The following SLC14A2 variants were observed in gnomAD, a reference collection of about 807,000 sequenced individuals.
The protein encoded by SLC14A2 is urea transporter 2.
SLC14A2 carries 91 observed loss-of-function variants against 104.6 expected under a neutral mutation model. The observed-to-expected ratio is 0.87, with a 90% CI of 0.73 to 1.04. SLC14A2 has a LOEUF of 1.04. Ranked by LOEUF, SLC14A2 falls within the 50% of genes least tolerant of loss-of-function variation. The probability of loss-of-function intolerance (pLI) is 0.00; values close to 1 mark genes in which losing one functional copy is unlikely to be tolerated. For missense variants in SLC14A2, 1,189 were observed against 1,156.0 expected (o/e 1.03, Z -0.41); for synonymous variants, 476 against 466.4 (o/e 1.02, Z -0.27).
intron 16 of SLC14A2, among the ~76,000 whole-genome samples, chr18:45,669,704 C>G (rs2046097616): frequency 6.6e-6 from 1 of 152,176 alleles, no homozygotes; most frequent in Non-Finnish European, 1.5e-5. Flanking sequence ...TCTATGATAG[C>G]ACAGAGAAGG....
At chr18:45,177,570 C>T in the SLC14A2 span, among the ~76,000 whole-genome samples, 9 of 152,128 alleles carry the variant, frequency 5.9e-5, no homozygotes, top group African/African-American at 2.2e-4. Context: ...GCTCTCCCTC[C>T]CATTCTTTTG....
chr18:45,662,434 T>G (rs1328458658), intron 10 of SLC14A2, among the ~76,000 whole-genome samples: 1 of 152,242 alleles, frequency 6.6e-6, no homozygotes, highest in Non-Finnish European at 1.5e-5. Flanking sequence ...TCTACCCCAG[T>G]GCTTTCCAGC....
At chr18:45,174,358 C>A in the SLC14A2 span, among the ~76,000 whole-genome samples, 1 of 152,120 alleles carries the variant, frequency 6.6e-6, no homozygotes, top group African/African-American at 2.4e-5. Context: ...TCCTCCTCGA[C>A]AATTTCCCTC....
the SLC14A2 span, among the ~76,000 whole-genome samples, chr18:45,200,564 T>C: frequency 2.3e-3 from 355 of 152,330 alleles, 3 homozygotes; most frequent in East Asian, 0.021. Flanking sequence ...AATTTGTTTT[T>C]TTCATATGCC....
In SLC14A2 at chr18:45,653,266, C is replaced by T. The variant is rs924746054; in HGVS notation, c.1351+9106C>T. Among the ~76,000 whole-genome samples the T allele has an allele frequency of 3.9e-5, 6 of 152,218 alleles. No homozygotes were observed. In the South Asian group the frequency reaches 1.0e-3, roughly 26 times the overall value. On this transcript the variant is annotated intron_variant, in intron 10 of 19. Coordinates refer to ENST00000255226, the MANE Select transcript of SLC14A2 (RefSeq NM_007163.4). Reference sequence around the variant, plus strand: ...AATGTGGGGGCCTGCTGGGCTCCTCCCACCCCCTTTGTTTGCTTTCCTTCC... The same window carrying T: ...AATGTGGGGGCCTGCTGGGCTCCTCTCACCCCCTTTGTTTGCTTTCCTTCC...
intron 1 of SLC14A2, among the ~76,000 whole-genome samples, chr18:45,260,420 C>T (rs770458611): frequency 3.9e-5 from 6 of 152,110 alleles, no homozygotes; most frequent in Non-Finnish European, 8.8e-5. Flanking sequence ...TGTTGCAAGT[C>T]AACTTTTAAA....
chr18:45,278,813 A>G (rs2084731151), intron 1 of SLC14A2, among the ~76,000 whole-genome samples: 2 of 152,200 alleles, frequency 1.3e-5, no homozygotes, highest in African/African-American at 4.8e-5. Context: ...AAGCTGTATT[A>G]TCGATTATAA....
intron 13 of SLC14A2, 138 bp downstream of exon 13, chr18:45,667,232 G>A: frequency 3.1e-6 from 2 of 637,770 alleles, no homozygotes; most frequent in South Asian, 4.8e-5. Context: ...GTCTTTCCTG[G>A]AAGCTGGGAG....
intron 1 of SLC14A2, among the ~76,000 whole-genome samples, chr18:45,305,969 A>G (rs2085017178): frequency 6.6e-6 from 1 of 152,228 alleles, no homozygotes; most frequent in Non-Finnish European, 1.5e-5. Flanking sequence ...TAAATCTTCA[A>G]TTAATGCTTG....
At chr18:45,487,956 T>C (rs545730401) in intron 2 of SLC14A2, among the ~76,000 whole-genome samples, 27 of 152,290 alleles carry the variant, frequency 1.8e-4, no homozygotes, top group African/African-American at 6.0e-4. Context: ...TCATGAAAGA[T>C]GATTTAAGCA....
At chr18:45,607,158 T>C (rs2044885319) in intron 2 of SLC14A2, among the ~76,000 whole-genome samples, 2 of 152,212 alleles carry the variant, frequency 1.3e-5, no homozygotes, top group Non-Finnish European at 2.9e-5. Flanking sequence ...TTCTTGGGTA[T>C]GTCCCCAAGG....
At chr18:45,619,563 A>G (rs766202331) in intron 1 of SLC14A2, among the ~76,000 whole-genome samples, 5 of 152,212 alleles carry the variant, frequency 3.3e-5, no homozygotes, top group Non-Finnish European at 7.3e-5. Flanking sequence ...CTCTCTGTCC[A>G]TATTTCTGAA....
At chr18:45,653,972 G>C (rs943005175) in intron 10 of SLC14A2, among the ~76,000 whole-genome samples, 1 of 152,166 alleles carries the variant, frequency 6.6e-6, no homozygotes, top group Non-Finnish European at 1.5e-5. Context: ...CTAATGAGAG[G>C]TGCAACTGGG....
intron 1 of SLC14A2, among the ~76,000 whole-genome samples, chr18:45,300,960 G>A (rs1019566358): frequency 2.6e-5 from 4 of 152,176 alleles, no homozygotes; most frequent in African/African-American, 9.7e-5. Context: ...AGGAGACACT[G>A]CCTGACTGAC....
intron 1 of SLC14A2, among the ~76,000 whole-genome samples, chr18:45,297,571 C>T (rs950478355): frequency 6.6e-6 from 1 of 152,200 alleles, no homozygotes; most frequent in Non-Finnish European, 1.5e-5. Context: ...GGACAAATCA[C>T]TTGATCTTCC....
At chr18:45,680,046 G>T (rs1440437781) in intron 19 of SLC14A2, among the ~76,000 whole-genome samples, 1 of 152,172 alleles carries the variant, frequency 6.6e-6, no homozygotes, top group Non-Finnish European at 1.5e-5. Flanking sequence ...GATGAATGAA[G>T]CCCTAAGATA....
intron 1 of SLC14A2, among the ~76,000 whole-genome samples, chr18:45,402,957 AT>A (rs2086112450): frequency 6.6e-6 from 1 of 152,254 alleles, no homozygotes; most frequent in Non-Finnish European, 1.5e-5. Context: ...CCATCTTATT[AT>A]TAGTAAGGCA....
chr18:45,227,077 C>A (rs915740091), intron 1 of SLC14A2, among the ~76,000 whole-genome samples: 1 of 152,098 alleles, frequency 6.6e-6, no homozygotes, highest in African/African-American at 2.4e-5. Context: ...GGTGCCAGCA[C>A]TATTCATCAT....
chr18:45,300,066 G>A (rs990480437), intron 1 of SLC14A2, among the ~76,000 whole-genome samples: 7 of 152,122 alleles, frequency 4.6e-5, no homozygotes, highest in Non-Finnish European at 8.8e-5. Context: ...TTAAGTGTCC[G>A]TCTCAGGGCA....
Sources: allele counts gnomAD v4.1 joint callset (sites outside exome capture counted in the v4.1 genomes callset), GRCh38; gene constraint gnomAD v4.1.1; transcripts MANE v1.5; gene names NCBI Gene and HGNC (gene_info 2026-07-23, HGNC 2026-07-21).